The following ADGB variants were observed in gnomAD, a reference collection of about 807,000 sequenced individuals.
ADGB encodes androglobin.
A neutral mutation model predicts 210.5 loss-of-function variants in ADGB; 172 were observed. The observed-to-expected ratio is 0.82, with a 90% CI of 0.72 to 0.93. The LOEUF (loss-of-function observed/expected upper bound fraction) is 0.93. Ranked by LOEUF, ADGB falls within the 40% of genes least tolerant of loss-of-function variation. The pLI, the probability that ADGB is intolerant of heterozygous loss-of-function variation, is 0.00. For missense variants in ADGB, 2,025 were observed against 1,964.8 expected, an observed-to-expected ratio of 1.03 and a Z score of -0.58; for synonymous variants, 658 against 662.7, an observed-to-expected ratio of 0.99 and a Z score of 0.11.
intron 1 of ADGB, among the ~76,000 whole-genome samples, chr6:146,627,584 G>A (rs911176003): frequency 1.9e-4 from 29 of 151,954 alleles, no homozygotes; most frequent in African/African-American, 7.0e-4. Context: ...TATCCTATGG[G>A]GCTGGGCACA....
At chr6:146,703,860 A>G (rs1776529558) in intron 13 of ADGB, among the ~76,000 whole-genome samples, 1 of 123,988 alleles carries the variant, frequency 8.1e-6, no homozygotes, top group Non-Finnish European at 1.8e-5. Flanking sequence ...TGATTGCCCT[A>G]TTTTTAGTTT....
intron 1 of ADGB, among the ~76,000 whole-genome samples, chr6:146,621,125 T>G (rs955124506): frequency 1.3e-5 from 2 of 152,136 alleles, no homozygotes; most frequent in Non-Finnish European, 2.9e-5. Flanking sequence ...CATAACTATA[T>G]TGCATCCCTG....
intron 8 of ADGB, among the ~76,000 whole-genome samples, chr6:146,673,734 C>A (rs939721906): frequency 2.0e-5 from 3 of 151,978 alleles, no homozygotes; most frequent in Admixed American, 1.3e-4. Context: ...ATGGTGGTAC[C>A]ATTTAGGAGA....
At chr6:146,692,701 C>G (rs561453532) in intron 11 of ADGB, 124 bp from the exon 12 acceptor site, 1 of 480,130 alleles carries the variant, frequency 2.1e-6, no homozygotes, top group South Asian at 4.5e-5. Context: ...TCCTATTTCA[C>G]ACTATTGAAA....
chr6:146,715,994 G>A (rs1156908796), intron 14 of ADGB, among the ~76,000 whole-genome samples: 1 of 150,272 alleles, frequency 6.7e-6, no homozygotes, highest in Non-Finnish European at 1.5e-5. Flanking sequence ...CTTGAACCAG[G>A]GAGTCAGAGG....
chr6:146,785,697 A>C lies in ADGB; in HGVS notation c.4300A>C (p.Lys1434Gln), dbSNP rs1037902945. The change falls in exon 32 of 36, where the codon AAA becomes CAA. Residue 1434 changes from lysine (K) to glutamine (Q), a missense_variant. Lys to Gln is a moderately conservative substitution (Grantham distance 53). Coordinates refer to ENST00000397944, the MANE Select transcript of ADGB (RefSeq NM_024694.4). ...TCCGCCTATATCTGAAAGCCAAACTAAACCAAAAGAAGAAGGTGAGTGGAT... is the reference window on the plus strand; with the variant it reads ...TCCGCCTATATCTGAAAGCCAAACTCAACCAAAAGAAGAAGGTGAGTGGAT... ...ESPPISESQT[K>Q]PKEEVETAAR... is the part of the protein sequence containing the mutation. The C allele has an allele frequency of 2.6e-6, 4 of 1,550,236 alleles. No homozygotes were observed. The highest frequency in any genetic ancestry group is 2.6e-6 in the Non-Finnish European group (3 of 1,145,876).
At chr6:146,687,159 A>G (rs1249278255) in intron 10 of ADGB, among the ~76,000 whole-genome samples, 3 of 152,134 alleles carry the variant, frequency 2.0e-5, no homozygotes, top group Non-Finnish European at 4.4e-5. Flanking sequence ...AGAAAACATT[A>G]GCCATGGTTA....
At chr6:146,653,088 T>G (rs1775727239) in intron 3 of ADGB, among the ~76,000 whole-genome samples, 1 of 152,030 alleles carries the variant, frequency 6.6e-6, no homozygotes, top group Non-Finnish European at 1.5e-5. Flanking sequence ...CACTGCAGTG[T>G]GAAACTTACT....
At chr6:146,615,983 C>T (rs1201759327) in intron 1 of ADGB, among the ~76,000 whole-genome samples, 1 of 152,114 alleles carries the variant, frequency 6.6e-6, no homozygotes, top group Non-Finnish European at 1.5e-5. Flanking sequence ...TTTGAGGAAA[C>T]TCCTTACTGT....
chr6:146,715,249 G>T, intron 13 of ADGB, 133 bp from the exon 14 acceptor site: 3 of 754,940 alleles, frequency 4.0e-6, no homozygotes, highest in Admixed American at 3.2e-5. Flanking sequence ...TTTTTGGTAG[G>T]TTTTAGTAAA....
intron 7 of ADGB, among the ~76,000 whole-genome samples, chr6:146,670,797 G>T (rs1775995698): frequency 6.6e-6 from 1 of 152,070 alleles, no homozygotes; most frequent in African/African-American, 2.4e-5. Context: ...TGTGCTCAAT[G>T]AATTGTGTAA....
intron 12 of ADGB, among the ~76,000 whole-genome samples, chr6:146,699,119 G>C (rs542802077): frequency 6.6e-6 from 1 of 152,196 alleles, no homozygotes; most frequent in South Asian, 2.1e-4. Context: ...GCGGAATATA[G>C]ACATCGACAT....
chr6:146,715,814 A>G (rs1023662833), intron 14 of ADGB, among the ~76,000 whole-genome samples: 1 of 152,136 alleles, frequency 6.6e-6, no homozygotes, highest in African/African-American at 2.4e-5. Flanking sequence ...TCACGCATGT[A>G]ATCTCAGCAC....
At chr6:146,745,614 G>T (rs565154868) in intron 25 of ADGB, among the ~76,000 whole-genome samples, 94 of 152,306 alleles carry the variant, frequency 6.2e-4, no homozygotes, top group African/African-American at 1.9e-3. Context: ...ATAAAAATCT[G>T]CCATGGGAGG....
intron 35 of ADGB, among the ~76,000 whole-genome samples, chr6:146,813,868 CAG>C (rs764409006): frequency 2.0e-5 from 3 of 152,160 alleles, no homozygotes; most frequent in Non-Finnish European, 4.4e-5. Context: ...GTGTGAGGCA[CAG>C]AGAGAGCCTG....
intron 11 of ADGB, among the ~76,000 whole-genome samples, chr6:146,692,335 A>G (rs1181152474): frequency 6.6e-6 from 1 of 152,120 alleles, no homozygotes; most frequent in Non-Finnish European, 1.5e-5. Context: ...GAATATCCAC[A>G]ACACCTCTCC....
Position 146,736,637 on chromosome 6 carries a change from G to T in ADGB, c.2888+46G>T, listed in dbSNP as rs1308798834. 6 of 1,354,686 alleles carry T rather than the reference G, an allele frequency of 4.4e-6. No individual in the cohort carries two copies. In the Admixed American group the frequency reaches 1.4e-4, roughly 32 times the overall value. 83.9% of individuals were successfully genotyped at this position (1,354,686 alleles called of 1,614,324 possible). On this transcript the variant is annotated intron_variant, in intron 23 of 35. Coordinates refer to ENST00000397944, the MANE Select transcript of ADGB (RefSeq NM_024694.4). ...TTTTATTGCAGTATATTGTCCTTTT[G>T]TCAAAGTCCAGTTTGAATACTACCA...
chr6:146,689,096 C>T (rs1271942529), intron 10 of ADGB, among the ~76,000 whole-genome samples: 1 of 152,090 alleles, frequency 6.6e-6, no homozygotes, highest in East Asian at 1.9e-4. Flanking sequence ...AAATCCAACT[C>T]TTGCATCTGT....
intron 1 of ADGB, among the ~76,000 whole-genome samples, chr6:146,607,377 C>A (rs897547619): frequency 6.6e-6 from 1 of 152,054 alleles, no homozygotes; most frequent in Non-Finnish European, 1.5e-5. Flanking sequence ...TATTTGTATG[C>A]CTTTTATTTA....
Sources: gnomAD v4.1 joint callset for allele counts (sites outside exome capture counted in the v4.1 genomes callset) on GRCh38, gnomAD v4.1.1 for gene constraint, MANE v1.5 for transcripts, NCBI Gene and HGNC (gene_info 2026-07-23, HGNC 2026-07-21) for gene names.